LMTK3: variants seen among roughly 807,000 people sequenced by gnomAD.
The protein encoded by LMTK3 is lemur tail kinase 3, also known as serine/threonine-protein kinase LMTK3.
LMTK3 carries 27 observed loss-of-function variants against 116.7 expected under a neutral mutation model. The observed-to-expected ratio is 0.23, with a 90% CI of 0.17 to 0.32. LMTK3 has a LOEUF of 0.32. Ranked by LOEUF, LMTK3 falls within the 10% of genes least tolerant of loss-of-function variation. The probability of loss-of-function intolerance (pLI) is 1.00; values close to 1 mark genes in which losing one functional copy is unlikely to be tolerated. For synonymous variants in LMTK3, 965 were observed against 971.0 expected, an observed-to-expected ratio of 0.99 and a Z score of 0.11; for missense variants, 1,764 against 2,068.5, an observed-to-expected ratio of 0.85 and a Z score of 2.86.
In LMTK3 at chr19:48,494,329, G is replaced by A. The variant is rs1327146835; in HGVS notation, c.3677-220C>T. Reference sequence around the variant, plus strand: ...TCCCCAGTGCCAACGGCTTTAAGCCGCAACTTCCCACAGCCCACCAGGCCC... The same window carrying A: ...TCCCCAGTGCCAACGGCTTTAAGCCACAACTTCCCACAGCCCACCAGGCCC... On this transcript the variant is annotated intron_variant, in intron 11 of 14. Coordinates refer to ENST00000600059, the MANE Select transcript of LMTK3 (RefSeq NM_001388485.1). The surrounding 1 kb of genome is among the most constrained non-coding windows in gnomAD (Gnocchi z 4.0). 1.3e-5 allele frequency among the ~76,000 whole-genome samples: 2 copies of A among 152,114 alleles called. No homozygotes were observed. The highest frequency in any genetic ancestry group is 2.4e-5 in the African/African-American group (1 of 41,406).
In LMTK3 at chr19:48,498,675, C is replaced by A. The variant is rs1310950499; in HGVS notation, c.2394G>T (p.Glu798Asp). The change falls in exon 11 of 15, where the codon GAG becomes GAT. Residue 798 changes from glutamate to aspartate, a missense_variant. This residue lies in a region of LMTK3 where 1,028 missense variants were observed against 1,050.6 expected (regional missense o/e 0.98). Coordinates refer to ENST00000600059, the MANE Select transcript of LMTK3 (RefSeq NM_001388485.1). ...AGGCTCCCTCTGGGGAAAAAGGGGT[C>A]TCGGTCTCGTAGCCGCTGTCCCCCG... Reference protein sequence around the residue: ...PKPGDSGYETETPFSPEGAFP... With the variant: ...PKPGDSGYETDTPFSPEGAFP... 1 of 1,538,854 alleles carries A rather than the reference C, an allele frequency of 6.5e-7. No individual in the cohort carries two copies. The highest frequency in any genetic ancestry group is 8.7e-7 in the Non-Finnish European group (1 of 1,145,590).
chr19:48,513,240 T>C, upstream of LMTK3: 1 of 1,359,126 alleles, frequency 7.4e-7, no homozygotes, highest in Non-Finnish European at 1.0e-6. The surrounding 1 kb of genome is among the most constrained non-coding windows in gnomAD (Gnocchi z 5.6). Context: ...CTTATGAGTA[T>C]TTAGTCTGTG....
rs1236271623 is a variant in LMTK3, at chr19:48,500,034, C to T, written c.1152-117G>A. On this transcript the variant is annotated intron_variant, in intron 10 of 14. Coordinates refer to ENST00000600059, the MANE Select transcript of LMTK3 (RefSeq NM_001388485.1). This position sits in a 1 kb window ranked among gnomAD's most constrained non-coding sequence, Gnocchi z 4.0. ...AGAGACCCAGAGGGTAACAGAGACCCAGAGAGAGGGGGACAGAGACCCAGA... is the reference window on the plus strand; with the variant it reads ...AGAGACCCAGAGGGTAACAGAGACCTAGAGAGAGGGGGACAGAGACCCAGA... The T allele has an allele frequency of 3.1e-6, 3 of 974,822 alleles. No homozygotes were observed. In the African/African-American group the frequency reaches 5.2e-5, roughly 17 times the overall value. The allele number at this position is 974,822 out of a possible 1,614,324, so 60.4% of individuals were successfully genotyped here.
intron 7 of LMTK3, 130 bp downstream of exon 7, chr19:48,502,303 C>G: frequency 7.2e-6 from 8 of 1,110,712 alleles, no homozygotes; most frequent in Non-Finnish European, 1.0e-5. Context: ...TCCTCCATAC[C>G]CTCCTCGGTT....
intron 9 of LMTK3, 66 bp from the exon 10 acceptor site, chr19:48,501,211 T>C (rs1972459497): frequency 6.2e-7 from 1 of 1,606,502 alleles, no homozygotes; most frequent in Non-Finnish European, 8.5e-7. Context: ...TCCCCATCTG[T>C]AGAACCGGTG....
chr19:48,492,833 C>G (rs1206697822), intron 12 of LMTK3, among the ~76,000 whole-genome samples: 1 of 152,138 alleles, frequency 6.6e-6, no homozygotes, highest in East Asian at 1.9e-4. Context: ...CTCCAGACCT[C>G]TCCTCGCCCT....
chr19:48,502,684 G>A, intron 6 of LMTK3, 103 bp from the exon 7 acceptor site: 1 of 1,340,018 alleles, frequency 7.5e-7, no homozygotes, highest in Non-Finnish European at 1.0e-6. Flanking sequence ...TAGCCCCTCT[G>A]AGCCTTAGTT....
At chr19:48,510,650 T>C in intron 1 of LMTK3, 58 bp from the exon 2 acceptor site, 3 of 1,481,330 alleles carry the variant, frequency 2.0e-6, no homozygotes, top group South Asian at 1.4e-5. Flanking sequence ...ACCGGAATCA[T>C]GCCCCCTCCC....
chr19:48,499,571 C>T lies in LMTK3; in HGVS notation c.1498G>A (p.Ala500Thr). 3.9e-6 allele frequency: 6 copies of T among 1,522,894 alleles called. No individual in the cohort carries two copies. The highest frequency in any genetic ancestry group is 2.8e-5 in the African/African-American group (2 of 70,352). 94.3% of individuals were successfully genotyped at this position (1,522,894 alleles called of 1,614,324 possible). A position where few individuals can be genotyped will look rare whatever the true frequency, so the allele number is the denominator to read the frequency against. The part of the protein sequence containing the change: ...RGGGAPAWQP[A>T]SAPPAPHANP... Reference sequence around the variant, plus strand: ...GCGTGGGGGGCCGGGGGGGCCGACGCCGGCTGCCAGGCAGGTGCCCCCCCA... The same window carrying T: ...GCGTGGGGGGCCGGGGGGGCCGACGTCGGCTGCCAGGCAGGTGCCCCCCCA... Residue 500 changes from alanine to threonine, a missense_variant, in exon 11 of 15, where the codon GCG becomes ACG. Ala to Thr is a moderately conservative substitution (Grantham distance 58, BLOSUM62 0). Around this residue, in one of 7 missense-constraint regions of LMTK3, gnomAD observed 1,028 missense variants for 1,050.6 expected, o/e 0.98. Transcript: ENST00000600059.
Position 48,510,560 on chromosome 19 carries a change from G to C in LMTK3, c.109C>G (p.Pro37Ala), listed in dbSNP as rs762684501. Residue 37 changes from proline to alanine, a missense_variant, in exon 2 of 15, where the codon CCT (proline) becomes GCT (alanine). Physicochemically the swap from Pro to Ala is conservative, Grantham distance 27 (BLOSUM62 -1). Around this residue, in one of 7 missense-constraint regions of LMTK3, gnomAD observed 66 missense variants for 61.1 expected, o/e 1.08. Transcript: ENST00000600059. ...GFALGRAPLA[P>A]PYAVVLISCS... ...GAAATGAGGACCACAGCGTAGGGAG[G>C]AGCCAGAGGAGCCCGGCCCAGGGCG... 1.0e-5 allele frequency: 16 copies of C among 1,595,744 alleles called. No homozygotes were observed. Among genetic ancestry groups the C allele is most frequent in the Admixed American group, 8.9e-5 (5 of 56,214 alleles).
chr19:48,496,118 TG>T (rs1408989745), intron 11 of LMTK3, among the ~76,000 whole-genome samples: 84 of 149,700 alleles, frequency 5.6e-4, no homozygotes, highest in Admixed American at 1.0e-3. Context: ...TGTTTTGTTT[TG>T]TTTTGTTTGA....
chr19:48,507,312 C>T (rs1268610806), intron 5 of LMTK3, among the ~76,000 whole-genome samples: 1 of 152,224 alleles, frequency 6.6e-6, no homozygotes, highest in African/African-American at 2.4e-5. Flanking sequence ...TGCCTAGGGT[C>T]ACACAGCTGG....
intron 14 of LMTK3, among the ~76,000 whole-genome samples, chr19:48,490,032 G>C (rs1479607972): frequency 6.6e-6 from 1 of 152,192 alleles, no homozygotes; most frequent in Non-Finnish European, 1.5e-5. Flanking sequence ...ATCGCTAAAA[G>C]TTGGAAACTA....
intron 11 of LMTK3, among the ~76,000 whole-genome samples, chr19:48,496,096 TTC>T (rs1384551806): frequency 6.6e-6 from 1 of 151,958 alleles, no homozygotes; most frequent in Non-Finnish European, 1.5e-5. Context: ...GTTTGTTTGT[TTC>T]TGTTTGTTTT....
rs1458604328 is a variant in LMTK3, at chr19:48,498,889, G to A, written c.2180C>T (p.Ser727Leu). The A allele has an allele frequency of 4.3e-6, 5 of 1,173,118 alleles. No individual in the cohort carries two copies. The highest frequency in any genetic ancestry group is 3.2e-5 in the East Asian group (1 of 30,938). 72.7% of individuals were successfully genotyped at this position (1,173,118 alleles called of 1,614,324 possible). A position where few individuals can be genotyped will look rare whatever the true frequency, so the allele number is the denominator to read the frequency against. The change falls in exon 11 of 15, where the codon TCG becomes TTG. Residue 727 changes from serine to leucine, a missense_variant. By Grantham distance (145) the Ser-to-Leu change is moderately radical. This residue lies in a region of LMTK3 where 1,028 missense variants were observed against 1,050.6 expected (regional missense o/e 0.98). Coordinates refer to ENST00000600059, the MANE Select transcript of LMTK3 (RefSeq NM_001388485.1). ...LADLPMAPPA[S>L]APPEFLDPLM... is the part of the protein sequence containing the mutation. ...GGGGTCCAGAAACTCGGGGGGGGCC[G>A]AGGCGGGGGGGGCCATGGGCAAGTC...
Position 48,498,469 on chromosome 19 carries a change from C to A in LMTK3, c.2600G>T (p.Arg867Leu). ...VSTEQLLMSL[R>L]EDVTRNLLGE... ...CAGGAGGTTCCTTGTCACATCCTCC[C>A]GCAGGGACATCAGCAGCTGTTCCGT... Residue 867 changes from arginine to leucine, a missense_variant, in exon 11 of 15, where the codon CGG (arginine) becomes CTG (leucine). Physicochemically the swap from Arg to Leu is moderately radical, Grantham distance 102. Transcript: ENST00000600059. 1 of 1,601,874 alleles carries A rather than the reference C, an allele frequency of 6.2e-7. No homozygotes were observed. The highest frequency in any genetic ancestry group is 2.3e-5 in the East Asian group (1 of 44,242).
chr19:48,496,995 T>G (rs1972339613), intron 11 of LMTK3, among the ~76,000 whole-genome samples: 1 of 152,204 alleles, frequency 6.6e-6, no homozygotes, highest in Non-Finnish European at 1.5e-5. Flanking sequence ...TTCATCCGTT[T>G]CCCTATGTCG....
In LMTK3 at chr19:48,491,134, G is replaced by A. The variant is rs953176252; in HGVS notation, c.4340C>T (p.Ala1447Val). Residue 1447 changes from alanine to valine, a missense_variant, in exon 14 of 15, where the codon GCC becomes GTC. This residue lies in a region of LMTK3 where 281 missense variants were observed against 301.4 expected (regional missense o/e 0.93). Coordinates refer to ENST00000600059, the MANE Select transcript of LMTK3 (RefSeq NM_001388485.1). The surrounding 1 kb of genome is among the most constrained non-coding windows in gnomAD (Gnocchi z 5.1). ...SPALETPGPPARAPDARPAGP... is the reference protein window; with the variant it reads ...SPALETPGPPVRAPDARPAGP... ...TGCGGGCCGGGCGTCGGGGGCCCGG[G>A]CGGGTGGCCCCGGGGTCTCCAGCGC... 1.5e-6 allele frequency: 2 copies of A among 1,377,510 alleles called. No individual in the cohort carries two copies. The highest frequency in any genetic ancestry group is 1.9e-6 in the Non-Finnish European group (2 of 1,065,492). 85.3% of individuals were successfully genotyped at this position (1,377,510 alleles called of 1,614,324 possible).
chr19:48,492,959 C>A (rs543125176), intron 12 of LMTK3, among the ~76,000 whole-genome samples: 42 of 151,328 alleles, frequency 2.8e-4, no homozygotes, highest in South Asian at 1.7e-3. Flanking sequence ...ACACTCAAAG[C>A]CTCCTCCCAT....
Sources: gnomAD v4.1 joint callset for allele counts (sites outside exome capture counted in the v4.1 genomes callset) on GRCh38, gnomAD v4.1.1 for gene constraint, gnomAD v4.1.1 regional missense constraint, Gnocchi (gnomAD v3.1) non-coding constraint, MANE v1.5 for transcripts, NCBI Gene and HGNC (gene_info 2026-07-23, HGNC 2026-07-21) for gene names.